The following UROC1 variants were observed in gnomAD, a reference collection of about 807,000 sequenced individuals.
The protein encoded by UROC1 is urocanate hydratase 1.
UROC1 carries 79 observed loss-of-function variants against 89.5 expected under a neutral mutation model. The ratio of observed to expected loss-of-function variants is 0.88; its 90% CI spans 0.74 to 1.06. The LOEUF (loss-of-function observed/expected upper bound fraction) is 1.06. UROC1 is among the 50% of genes least tolerant of loss of function. The pLI is 0.00. For missense variants in UROC1, 885 were observed against 907.8 expected (o/e 0.97, Z 0.32); for synonymous variants, 361 against 354.8 (o/e 1.02, Z -0.20).
intron 16 of UROC1, 129 bp downstream of exon 16, chr3:126,492,288 GC>G: frequency 1.1e-6 from 1 of 877,530 alleles, no homozygotes; most frequent in Non-Finnish European, 1.8e-6. Flanking sequence ...GGCTGCTGAG[GC>G]CCAACGGGGG....
In UROC1 at chr3:126,492,490, C is replaced by T; in HGVS notation, c.1536G>A (p.Leu512=). ...RLVVGSQARI[L]YSDQKGRVAI... ...CCACGCGGCCCTTCTGGTCTGAGTA[C>T]AGGATCCTTGCCTGGGAGCCCACCA... Residue 512 remains leucine, a synonymous_variant, in exon 16 of 20, where the codon CTG becomes CTA. Transcript: ENST00000290868. The T allele has an allele frequency of 6.2e-7, 1 of 1,613,128 alleles. No homozygotes were observed. Among genetic ancestry groups the T allele is most frequent in the South Asian group, 1.1e-5 (1 of 91,060 alleles).
At chr3:126,509,899 A>T (rs1287995799) in intron 2 of UROC1, among the ~76,000 whole-genome samples, 2 of 152,188 alleles carry the variant, frequency 1.3e-5, no homozygotes, top group Non-Finnish European at 2.9e-5. Context: ...GGCACACTCC[A>T]CCTGGGAGAC....
chr3:126,492,347 G>T, intron 16 of UROC1, 71 bp downstream of exon 16: 1 of 1,446,916 alleles, frequency 6.9e-7, no homozygotes, highest in Non-Finnish European at 9.5e-7. Context: ...GCACACGCAG[G>T]AAGGCCCAAG....
intron 4 of UROC1, 61 bp from the exon 5 acceptor site, chr3:126,508,156 C>T (rs1936113647): frequency 6.2e-7 from 1 of 1,611,790 alleles, no homozygotes. Flanking sequence ...CACCCAGCCC[C>T]ACACCACCGT....
chr3:126,500,889 C>T lies in UROC1; in HGVS notation c.966-15G>A, dbSNP rs201460805. On this transcript the variant is annotated splice_polypyrimidine_tract_variant and intron_variant, in intron 10 of 19. Coordinates refer to ENST00000290868, the MANE Select transcript of UROC1 (RefSeq NM_144639.3). ...CCAGGCGCTCCCTGGGGAAGCCATG[C>T]GGTGGTCAGTGCAAGCCACACACAG... 137 of 1,612,842 alleles carry T rather than the reference C, an allele frequency of 8.5e-5. No homozygotes were observed. Among genetic ancestry groups the T allele is most frequent in the Middle Eastern group, 5.1e-4 (3 of 5,874 alleles).
chr3:126,510,748 T>G lies in UROC1; in HGVS notation c.173A>C (p.Glu58Ala). 6.2e-7 allele frequency: 1 copy of G among 1,614,130 alleles called. No individual in the cohort carries two copies. The highest frequency in any genetic ancestry group is 8.5e-7 in the Non-Finnish European group (1 of 1,180,038). The change falls in exon 2 of 20, where the codon GAG (glutamate) becomes GCG (alanine). Residue 58 changes from glutamate (E) to alanine (A), a missense_variant. Coordinates refer to ENST00000290868, the MANE Select transcript of UROC1 (RefSeq NM_144639.3). ...CTGGGCAAACTCTGGGGCCAGCAGC[T>G]CCTGGACATCCGGGGGGAAGTAGCG... is the stretch of plus-strand genomic sequence containing the variant. ...ALRYFPPDVQ[E>A]LLAPEFAQEL...
At chr3:126,514,961 G>T (rs537188226) in intron 1 of UROC1, among the ~76,000 whole-genome samples, 1 of 151,928 alleles carries the variant, frequency 6.6e-6, no homozygotes, top group Admixed American at 6.5e-5. Flanking sequence ...AAAGATCAAC[G>T]AAACACATTT....
intron 17 of UROC1, among the ~76,000 whole-genome samples, 174 bp from the exon 18 acceptor site, chr3:126,488,453 G>A (rs1935565511): frequency 6.6e-6 from 1 of 152,252 alleles, no homozygotes; most frequent in Non-Finnish European, 1.5e-5. Context: ...GGCAGAGCTG[G>A]AGCTAGAGTG....
intron 9 of UROC1, chr3:126,501,868 A>G (rs1935930866): frequency 1.3e-6 from 2 of 1,599,362 alleles, no homozygotes; most frequent in African/African-American, 2.7e-5. Flanking sequence ...AAGGTTGACA[A>G]AGCAGGAAAG....
intron 6 of UROC1, among the ~76,000 whole-genome samples, chr3:126,507,250 A>T (rs1277175751): frequency 6.6e-6 from 1 of 152,162 alleles, no homozygotes; most frequent in African/African-American, 2.4e-5. Flanking sequence ...TGGTGCATGT[A>T]AGATGTGTGC....
Position 126,488,205 on chromosome 3 carries a change from C to A in UROC1, c.1783G>T (p.Val595Leu). ...CCTCTGAAACCTTCTTACCAGCCCA[C>A]GCCCCCTCCGTTGTGAAGGGCGACC... ...TWVALHNGGGVGWGEVINGGF... is the reference protein window; with the variant it reads ...TWVALHNGGGLGWGEVINGGF... Residue 595 changes from valine to leucine, a missense_variant, in exon 18 of 20, where the codon GTG (valine) becomes TTG (leucine). By Grantham distance (32) the Val-to-Leu change is conservative. Coordinates refer to ENST00000290868, the MANE Select transcript of UROC1 (RefSeq NM_144639.3). 6.2e-7 allele frequency: 1 copy of A among 1,614,218 alleles called. No homozygotes were observed. Among genetic ancestry groups the A allele is most frequent in the Non-Finnish European group, 8.5e-7 (1 of 1,180,026 alleles).
chr3:126,498,777 C>T (rs1327609747), intron 13 of UROC1, among the ~76,000 whole-genome samples: 1 of 152,164 alleles, frequency 6.6e-6, no homozygotes, highest in Non-Finnish European at 1.5e-5. Flanking sequence ...CTCTCTCGTC[C>T]CATGTGGCAC....
chr3:126,514,528 C>G (rs146027599), intron 1 of UROC1, among the ~76,000 whole-genome samples: 3 of 152,054 alleles, frequency 2.0e-5, no homozygotes, highest in Non-Finnish European at 4.4e-5. Flanking sequence ...CCGTTAAAGA[C>G]GAGCAAAGAA....
At chr3:126,512,781 T>C (rs568469569) in intron 1 of UROC1, among the ~76,000 whole-genome samples, 1 of 152,186 alleles carries the variant, frequency 6.6e-6, no homozygotes, top group Admixed American at 6.5e-5. Flanking sequence ...TAAACCAGGA[T>C]AGTCTTGTAT....
intron 9 of UROC1, chr3:126,502,015 G>A: frequency 6.8e-7 from 1 of 1,470,386 alleles, no homozygotes; most frequent in Non-Finnish European, 9.0e-7. Context: ...GGTTGCGGAA[G>A]TGTGGCAGAC....
chr3:126,489,419 A>G (rs1244536534), intron 16 of UROC1, 44 bp from the exon 17 acceptor site: 2 of 1,527,182 alleles, frequency 1.3e-6, no homozygotes, highest in African/African-American at 1.4e-5. Context: ...AGTGTCCACC[A>G]TGGCTTCCTG....
At position 126,517,642 on chromosome 3, in the gene UROC1, C is replaced by A; in HGVS notation, c.78G>T (p.Val26=). 6.2e-7 allele frequency: 1 copy of A among 1,611,374 alleles called. No homozygotes were observed. The part of the protein sequence containing the change: ...LPENRGRQAG[V]PHAPVRTPSL... ...TGGGGGTCCTGACAGGGGCATGGGG[C>A]ACCCCAGCCTGGCGTCCCCGGTTCT... Residue 26 remains valine, a synonymous_variant, in exon 1 of 20, where the codon GTG becomes GTT. Transcript: ENST00000290868.
At chr3:126,494,683 C>T (rs538109817) in intron 15 of UROC1, among the ~76,000 whole-genome samples, 3 of 152,310 alleles carry the variant, frequency 2.0e-5, no homozygotes, top group East Asian at 1.9e-4. Context: ...CTACTGCCAC[C>T]GTGGGGCCTG....
intron 9 of UROC1, among the ~76,000 whole-genome samples, chr3:126,502,546 CAT>C (rs1361961509): frequency 6.8e-6 from 1 of 147,828 alleles, no homozygotes; most frequent in Non-Finnish European, 1.5e-5. Flanking sequence ...TATGTTTGTG[CAT>C]GAGTTATGTG....
Sources: gnomAD v4.1 joint callset for allele counts (sites outside exome capture counted in the v4.1 genomes callset) on GRCh38, gnomAD v4.1.1 for gene constraint, MANE v1.5 for transcripts, NCBI Gene and HGNC (gene_info 2026-07-23, HGNC 2026-07-21) for gene names.